Variants in KCNMB2 observed in about 807,000 individuals in gnomAD.
KCNMB2 encodes the protein calcium-activated potassium channel subunit beta-2.
In KCNMB2, 9 loss-of-function variants were observed where a neutral mutation model predicts 24.5. The observed-to-expected ratio is 0.37, with a 90% confidence interval of 0.22 to 0.64. The LOEUF (loss-of-function observed/expected upper bound fraction) is 0.64, where lower values mean the gene tolerates loss of function less well. KCNMB2 is among the 30% of genes least tolerant of loss of function. KCNMB2 has a pLI of 0.63. For missense variants in KCNMB2, 226 were observed against 284.3 expected (o/e 0.79, Z 1.47); for synonymous variants, 109 against 104.4 (o/e 1.04, Z -0.27).
chr3:178,841,663 CAA>C (rs1194970186), intron 4 of KCNMB2: 13 of 152,110 alleles, frequency 8.5e-5, no homozygotes, highest in Non-Finnish European at 1.8e-4. Context: ...GAAGAACTGT[CAA>C]ACAGTTTTAA....
At chr3:178,652,842 TAATA>T (rs1327521781) in intron 1 of KCNMB2, among the ~76,000 whole-genome samples, 1 of 151,976 alleles carries the variant, frequency 6.6e-6, no homozygotes, top group Admixed American at 6.6e-5. Flanking sequence ...TTTTTGTATT[TAATA>T]GTGACGAGGT....
chr3:178,551,453 C>A (rs956740596), intron 1 of KCNMB2, among the ~76,000 whole-genome samples: 1 of 152,206 alleles, frequency 6.6e-6, no homozygotes, highest in Non-Finnish European at 1.5e-5. Flanking sequence ...GCAGGCCACA[C>A]TGCCTGACCT....
intron 1 of KCNMB2, among the ~76,000 whole-genome samples, chr3:178,664,216 A>G (rs1022621796): frequency 6.6e-6 from 1 of 152,102 alleles, no homozygotes; most frequent in Non-Finnish European, 1.5e-5. Flanking sequence ...AATGTCCACA[A>G]TGGAGGAGGA....
At chr3:178,659,135 C>T (rs922877075) in intron 1 of KCNMB2, among the ~76,000 whole-genome samples, 5 of 152,224 alleles carry the variant, frequency 3.3e-5, no homozygotes, top group African/African-American at 1.2e-4. Flanking sequence ...GCAAAGTCAG[C>T]TCATGCATGA....
chr3:178,733,001 A>G (rs994244208), intron 1 of KCNMB2, among the ~76,000 whole-genome samples: 1 of 152,204 alleles, frequency 6.6e-6, no homozygotes, highest in Admixed American at 6.5e-5. Context: ...ATAGATGATG[A>G]TAGTTAAAAT....
chr3:178,654,779 G>A (rs1720261407), intron 1 of KCNMB2, among the ~76,000 whole-genome samples: 2 of 152,158 alleles, frequency 1.3e-5, no homozygotes, highest in Non-Finnish European at 2.9e-5. Flanking sequence ...AAAACGTAAG[G>A]TGGAGCTGTA....
intron 1 of KCNMB2, among the ~76,000 whole-genome samples, chr3:178,662,585 A>G (rs1720572080): frequency 6.6e-6 from 1 of 152,164 alleles, no homozygotes; most frequent in South Asian, 2.1e-4. Flanking sequence ...CCAGGCTTAG[A>G]AAACATTTGC....
chr3:178,796,178 T>C (rs1398042476), intron 1 of KCNMB2, among the ~76,000 whole-genome samples: 4 of 152,152 alleles, frequency 2.6e-5, no homozygotes, highest in African/African-American at 9.7e-5. Flanking sequence ...AAGAAGGTCA[T>C]TATGTAATGA....
chr3:178,537,520 T>C (rs2108443466), intron 1 of KCNMB2: 1 of 152,392 alleles, frequency 6.6e-6, no homozygotes, highest in East Asian at 1.9e-4. Flanking sequence ...GAGGGGCAGT[T>C]GGGTTCCAAA....
chr3:178,695,385 T>G (rs1721837850), intron 1 of KCNMB2, among the ~76,000 whole-genome samples: 1 of 152,272 alleles, frequency 6.6e-6, no homozygotes, highest in Non-Finnish European at 1.5e-5. Flanking sequence ...AGTGTCTGGC[T>G]CCTCGCTACT....
At chr3:178,727,526 A>G (rs1723004181) in intron 1 of KCNMB2, among the ~76,000 whole-genome samples, 1 of 152,124 alleles carries the variant, frequency 6.6e-6, no homozygotes, top group Non-Finnish European at 1.5e-5. Context: ...TGTGAGCCCA[A>G]TCTAATTAAA....
At chr3:178,744,905 G>A (rs1220515117) in intron 1 of KCNMB2, among the ~76,000 whole-genome samples, 1 of 152,108 alleles carries the variant, frequency 6.6e-6, no homozygotes, top group Admixed American at 6.5e-5. Context: ...GAGAAGCAGT[G>A]GAAGGTAATG....
intron 1 of KCNMB2, among the ~76,000 whole-genome samples, chr3:178,799,493 T>A (rs1458467046): frequency 2.0e-5 from 3 of 152,088 alleles, no homozygotes; most frequent in African/African-American, 7.2e-5. Flanking sequence ...AACTCTACAA[T>A]GAAAACTATA....
chr3:178,642,341 T>C (rs751762162), intron 1 of KCNMB2, among the ~76,000 whole-genome samples: 11 of 152,182 alleles, frequency 7.2e-5, no homozygotes, highest in Non-Finnish European at 1.3e-4. Flanking sequence ...TAACCAGGCT[T>C]ATGAATTAAG....
chr3:178,706,637 C>T (rs146258138), intron 1 of KCNMB2, among the ~76,000 whole-genome samples: 316 of 152,236 alleles, frequency 2.1e-3, no homozygotes, highest in African/African-American at 7.2e-3. Flanking sequence ...AATCCCTCTG[C>T]CAGGCCCCAA....
intron 1 of KCNMB2, among the ~76,000 whole-genome samples, chr3:178,740,853 C>T (rs1723472237): frequency 1.3e-5 from 2 of 152,178 alleles, no homozygotes; most frequent in South Asian, 4.1e-4. Context: ...AAGATTCTTA[C>T]TATCCTTCAC....
intron 1 of KCNMB2, among the ~76,000 whole-genome samples, chr3:178,661,021 A>G (rs1720508224): frequency 6.6e-6 from 1 of 151,746 alleles, no homozygotes; most frequent in Admixed American, 6.6e-5. Context: ...AAGTTCTGGG[A>G]TACATGCGCA....
intron 1 of KCNMB2, among the ~76,000 whole-genome samples, chr3:178,660,618 A>G (rs1720491951): frequency 6.6e-6 from 1 of 151,802 alleles, no homozygotes; most frequent in Non-Finnish European, 1.5e-5. Context: ...GTTATATGTT[A>G]AATATCTTTC....
intron 1 of KCNMB2, among the ~76,000 whole-genome samples, chr3:178,642,651 G>T (rs990498767): frequency 6.6e-6 from 1 of 152,086 alleles, no homozygotes; most frequent in Non-Finnish European, 1.5e-5. Flanking sequence ...TCATTTCCTG[G>T]GATTTCAAAT....
Sources: gnomAD v4.1 joint callset for allele counts (sites outside exome capture counted in the v4.1 genomes callset) on GRCh38, gnomAD v4.1.1 for gene constraint, MANE v1.5 for transcripts, NCBI Gene and HGNC (gene_info 2026-07-23, HGNC 2026-07-21) for gene names.